Variants in HIP1 observed in about 807,000 individuals in gnomAD.
The protein encoded by HIP1 is huntingtin-interacting protein 1.
Under a neutral mutation model 147.6 loss-of-function variants are expected in HIP1, and 65 were observed. The ratio of observed to expected loss-of-function variants is 0.44; its 90% CI spans 0.36 to 0.54. The LOEUF (loss-of-function observed/expected upper bound fraction) is 0.54, where lower values mean the gene tolerates loss of function less well. HIP1 is among the 20% of genes least tolerant of loss of function. HIP1 has a pLI of 0.00. For missense variants in HIP1, 1,061 were observed against 1,299.6 expected (o/e 0.82, Z 2.82); for synonymous variants, 479 against 504.0 (o/e 0.95, Z 0.67).
intron 1 of HIP1, among the ~76,000 whole-genome samples, chr7:75,602,332 T>C (rs807868): frequency 0.23 from 26,972 of 115,356 alleles, 2,665 homozygotes; most frequent in African/African-American, 0.32. Flanking sequence ...TTTTTTTTTT[T>C]CAAAAGAGAT....
At chr7:75,551,539 A>G (rs1563196128) in intron 22 of HIP1, among the ~76,000 whole-genome samples, 1 of 145,634 alleles carries the variant, frequency 6.9e-6, no homozygotes, top group Non-Finnish European at 1.5e-5. Flanking sequence ...TTTTCTTTTT[A>G]GAGACAGGGT....
chr7:75,661,250 C>T (rs1339830361), intron 1 of HIP1, among the ~76,000 whole-genome samples: 1 of 148,366 alleles, frequency 6.7e-6, no homozygotes, highest in Non-Finnish European at 1.5e-5. Context: ...TGCACTCCAG[C>T]CTAGGTGACA....
intron 1 of HIP1, among the ~76,000 whole-genome samples, chr7:75,659,641 T>G (rs1274112590): frequency 6.6e-6 from 1 of 151,266 alleles, no homozygotes; most frequent in South Asian, 2.1e-4. Flanking sequence ...AGAGCGAGAC[T>G]CCATTTCAAA....
chr7:75,576,246 T>G (rs1795842080), intron 7 of HIP1, among the ~76,000 whole-genome samples: 1 of 152,344 alleles, frequency 6.6e-6, no homozygotes, highest in African/African-American at 2.4e-5. Flanking sequence ...TCAATGAGAA[T>G]GCTGGGAAAA....
intron 30 of HIP1, 119 bp downstream of exon 30, chr7:75,539,204 G>A (rs1436026543): frequency 2.9e-6 from 2 of 695,488 alleles, no homozygotes; most frequent in Non-Finnish European, 5.2e-6. Flanking sequence ...GGAGAGAAGA[G>A]AAGGAAGAAG....
In HIP1 at chr7:75,556,702, G is replaced by A; in HGVS notation, c.1683+8C>T. On this transcript the variant is annotated splice_region_variant and intron_variant, in intron 17 of 30. Coordinates refer to ENST00000336926, the MANE Select transcript of HIP1 (RefSeq NM_005338.7). Reference sequence around the variant, plus strand: ...CTCTATCTCCAAAAAAAAAAAGGAGGTATTTACCTGGGCAGAAGTTTCCAG... The same window carrying A: ...CTCTATCTCCAAAAAAAAAAAGGAGATATTTACCTGGGCAGAAGTTTCCAG... 6.4e-7 allele frequency: 1 copy of A among 1,565,642 alleles called. No individual in the cohort carries two copies. Among genetic ancestry groups the A allele is most frequent in the Middle Eastern group, 1.7e-4 (1 of 5,950 alleles).
At chr7:75,670,479 A>C (rs1458420446) in intron 1 of HIP1, among the ~76,000 whole-genome samples, 5 of 152,070 alleles carry the variant, frequency 3.3e-5, no homozygotes, top group African/African-American at 1.2e-4. Context: ...CACTGTTTTT[A>C]AGTGTACCAT....
chr7:75,574,874 T>C (rs1182471281), intron 7 of HIP1, among the ~76,000 whole-genome samples: 1 of 152,070 alleles, frequency 6.6e-6, no homozygotes, highest in African/African-American at 2.4e-5. Flanking sequence ...CGAGACTGGG[T>C]CTCAGCCAGG....
At chr7:75,645,051 G>T (rs1554510935) in intron 1 of HIP1, among the ~76,000 whole-genome samples, 1 of 152,202 alleles carries the variant, frequency 6.6e-6, no homozygotes, top group African/African-American at 2.4e-5. Context: ...CCTGAAAGGT[G>T]CAGCGTCACT....
intron 10 of HIP1, 29 bp from the exon 11 acceptor site, chr7:75,563,104 T>C (rs782681620): frequency 1.2e-6 from 2 of 1,613,922 alleles, no homozygotes; most frequent in Non-Finnish European, 1.7e-6. Flanking sequence ...CCTCAAATAG[T>C]GCTTGCTTGC....
chr7:75,593,667 G>A (rs1796582996), intron 2 of HIP1, among the ~76,000 whole-genome samples: 1 of 148,326 alleles, frequency 6.7e-6, no homozygotes, highest in Admixed American at 6.8e-5. Context: ...GTGTGCTTCT[G>A]CTCCTCATCA....
chr7:75,684,447 CAAAA>C (rs59055803), intron 1 of HIP1, among the ~76,000 whole-genome samples: 2 of 43,842 alleles, frequency 4.6e-5, no homozygotes, highest in African/African-American at 8.2e-5. Context: ...GACTCCGTCT[CAAAA>C]AAAAAAAAAA....
At chr7:75,542,037 T>A in intron 28 of HIP1, 57 bp from the exon 29 acceptor site, 2 of 1,415,892 alleles carry the variant, frequency 1.4e-6, no homozygotes, top group East Asian at 2.3e-5. Flanking sequence ...GACTGGCACC[T>A]GAGAGGCAGC....
rs568843546 is a variant in HIP1 at position 75,669,148 on chromosome 7, G to A, written c.120+69653C>T. 2.0e-3 allele frequency among the ~76,000 whole-genome samples: 311 copies of A among 152,096 alleles called. 1 individual carries two copies. The highest frequency in any genetic ancestry group is 3.1e-3 in the Admixed American group (47 of 15,238). On this transcript the variant is annotated intron_variant, in intron 1 of 30. Transcript: ENST00000336926. ...TGGGAGGCCGAGGCGGGTGGATCAC[G>A]AGGTCAGGAGATCGAGACCATCCTG...
rs932872803 is a variant in HIP1, at chr7:75,572,592, A to T, written c.745+1169T>A. Among the ~76,000 whole-genome samples, 8 of 152,316 alleles carry T rather than the reference A, an allele frequency of 5.3e-5. No individual in the cohort carries two copies. The South Asian group carries it at 6.2e-4, about 12-fold the overall frequency. On this transcript the variant is annotated intron_variant, in intron 8 of 30. Coordinates refer to ENST00000336926, the MANE Select transcript of HIP1 (RefSeq NM_005338.7). ...GTCCAGATGGCCTGCCACTGCCATC[A>T]TGCCAGCTGCAGCAGGGAGGCATGG...
At chr7:75,617,357 G>A (rs2117080210) in intron 1 of HIP1, among the ~76,000 whole-genome samples, 1 of 152,178 alleles carries the variant, frequency 6.6e-6, no homozygotes, top group South Asian at 2.1e-4. Flanking sequence ...GGGATTACAA[G>A]CGTGAGCCAC....
intron 1 of HIP1, among the ~76,000 whole-genome samples, chr7:75,650,347 C>T (rs1554511789): frequency 1.3e-5 from 2 of 152,102 alleles, no homozygotes; most frequent in Non-Finnish European, 2.9e-5. Flanking sequence ...ATTTGGAGCA[C>T]CCTTAATGGC....
chr7:75,673,887 G>A (rs568526735), intron 1 of HIP1, among the ~76,000 whole-genome samples: 1 of 151,786 alleles, frequency 6.6e-6, no homozygotes, highest in Non-Finnish European at 1.5e-5. Flanking sequence ...TCGAGAGGCT[G>A]AGGTTGGAGA....
At chr7:75,699,372 A>G (rs1311045155) in intron 1 of HIP1, among the ~76,000 whole-genome samples, 3 of 152,162 alleles carry the variant, frequency 2.0e-5, no homozygotes, top group Non-Finnish European at 4.4e-5. Flanking sequence ...CTTATTCTCT[A>G]TGGTGAACTT....
Sources: gnomAD v4.1 joint callset for allele counts (sites outside exome capture counted in the v4.1 genomes callset) on GRCh38, gnomAD v4.1.1 for gene constraint, MANE v1.5 for transcripts, NCBI Gene and HGNC (gene_info 2026-07-23, HGNC 2026-07-21) for gene names.